ANKRD17: variants seen among roughly 807,000 people sequenced by gnomAD.
The protein encoded by ANKRD17 is ankyrin repeat domain-containing protein 17.
A neutral mutation model predicts 229.7 loss-of-function variants in ANKRD17; 19 were observed. That is an observed-to-expected ratio of 0.08 (90% CI 0.06 to 0.12). ANKRD17 has a LOEUF of 0.12. ANKRD17 is among the 10% of genes least tolerant of loss of function. The probability of loss-of-function intolerance (pLI) is 1.00; values close to 1 mark genes in which losing one functional copy is unlikely to be tolerated. For synonymous variants in ANKRD17, 1,112 were observed against 1,146.1 expected, an observed-to-expected ratio of 0.97 and a Z score of 0.60; for missense variants, 2,176 against 3,176.8, an observed-to-expected ratio of 0.68 and a Z score of 7.57.
chr4:73,115,003 A>G (rs1725767904), intron 23 of ANKRD17, among the ~76,000 whole-genome samples: 1 of 152,120 alleles, frequency 6.6e-6, no homozygotes, highest in South Asian at 2.1e-4. Flanking sequence ...TTCCTGCAAA[A>G]TTTGCATTTC....
At chr4:73,154,561 T>G (rs1731395190) in intron 5 of ANKRD17, among the ~76,000 whole-genome samples, 1 of 152,180 alleles carries the variant, frequency 6.6e-6, no homozygotes, top group Non-Finnish European at 1.5e-5. Flanking sequence ...CATATATGTT[T>G]TCATTACAAC....
intron 13 of ANKRD17, 22 bp from the exon 14 acceptor site, chr4:73,141,865 G>C: frequency 9.6e-6 from 15 of 1,570,146 alleles, no homozygotes; most frequent in Non-Finnish European, 1.1e-5. Flanking sequence ...GACACTAAGT[G>C]ACTATTAGTG....
At position 73,185,149 on chromosome 4, in the gene ANKRD17, C is replaced by A. The variant is rs113161791; in HGVS notation, c.394-7616G>T. ...TAGACTTCTTTACATTCAACACTAACCCCATCCCCCATCTGATGTTTTCCG... is the reference window on the plus strand; with the variant it reads ...TAGACTTCTTTACATTCAACACTAAACCCATCCCCCATCTGATGTTTTCCG... On this transcript the variant is annotated intron_variant, in intron 1 of 33. Transcript: ENST00000358602. 1.9e-3 allele frequency among the ~76,000 whole-genome samples: 286 copies of A among 151,822 alleles called. 1 individual carries two copies. Among genetic ancestry groups the A allele is most frequent in the African/African-American group, 6.6e-3 (274 of 41,474 alleles).
At chr4:73,100,159 C>T (rs1394974824) in intron 25 of ANKRD17, among the ~76,000 whole-genome samples, 2 of 152,204 alleles carry the variant, frequency 1.3e-5, no homozygotes, top group Admixed American at 6.5e-5. Flanking sequence ...ATTGCTGCCG[C>T]TACCAGCACC....
intron 22 of ANKRD17, among the ~76,000 whole-genome samples, chr4:73,116,833 T>C (rs914504881): frequency 1.3e-5 from 2 of 151,820 alleles, no homozygotes; most frequent in Non-Finnish European, 2.9e-5. Flanking sequence ...AGACAATGTA[T>C]ATAGACATAT....
chr4:73,131,139 G>A (rs886895021), intron 16 of ANKRD17, among the ~76,000 whole-genome samples: 1 of 152,122 alleles, frequency 6.6e-6, no homozygotes, highest in African/African-American at 2.4e-5. Context: ...AAAGTATGTG[G>A]TATTCATCTT....
intron 12 of ANKRD17, 96 bp downstream of exon 12, chr4:73,142,544 T>C (rs920943405): frequency 1.9e-6 from 3 of 1,592,652 alleles, no homozygotes; most frequent in Non-Finnish European, 2.6e-6. Context: ...ACACTTAGAA[T>C]GCCATTATGA....
chr4:73,085,544 T>C (rs1326840128), intron 29 of ANKRD17, 98 bp from the exon 30 acceptor site: 4 of 1,049,580 alleles, frequency 3.8e-6, no homozygotes, highest in Non-Finnish European at 5.5e-6. Context: ...TTCAAAACTA[T>C]TTTAGATAAT....
At chr4:73,106,361 T>A (rs945390170) in intron 24 of ANKRD17, among the ~76,000 whole-genome samples, 1 of 152,130 alleles carries the variant, frequency 6.6e-6, no homozygotes, top group Non-Finnish European at 1.5e-5. Context: ...TTAGGCTTTA[T>A]AAGATAAGAA....
chr4:73,143,819 T>C (rs1243763519), intron 11 of ANKRD17, among the ~76,000 whole-genome samples: 1 of 152,098 alleles, frequency 6.6e-6, no homozygotes, highest in Non-Finnish European at 1.5e-5. Context: ...TAGCTCACTA[T>C]AATCTTGAAC....
At chr4:73,145,946 G>A (rs780776884) in intron 10 of ANKRD17, among the ~76,000 whole-genome samples, 1 of 152,040 alleles carries the variant, frequency 6.6e-6, no homozygotes, top group Non-Finnish European at 1.5e-5. Flanking sequence ...AAACTGTGAA[G>A]GAAAGAGCAC....
intron 1 of ANKRD17, among the ~76,000 whole-genome samples, chr4:73,205,834 A>G (rs1739364573): frequency 6.6e-6 from 1 of 152,228 alleles, no homozygotes; most frequent in Non-Finnish European, 1.5e-5. Context: ...ATATTTTTAA[A>G]CATATATCTG....
intron 1 of ANKRD17, among the ~76,000 whole-genome samples, chr4:73,199,989 A>C (rs1455777045): frequency 6.6e-6 from 1 of 152,232 alleles, no homozygotes; most frequent in Non-Finnish European, 1.5e-5. Flanking sequence ...CAAGCAAAAA[A>C]GGAAACACAG....
At chr4:73,245,268 C>G (rs1199528798) in intron 1 of ANKRD17, among the ~76,000 whole-genome samples, 1 of 152,132 alleles carries the variant, frequency 6.6e-6, no homozygotes, top group African/African-American at 2.4e-5. Context: ...GCACAAATAC[C>G]TTCTCTCAAT....
intron 1 of ANKRD17, among the ~76,000 whole-genome samples, chr4:73,236,838 T>G (rs1275540130): frequency 6.6e-6 from 1 of 152,188 alleles, no homozygotes; most frequent in African/African-American, 2.4e-5. Context: ...CTAAGGTAGA[T>G]GAAGACAACA....
At chr4:73,097,020 C>A (rs1723381704) in intron 27 of ANKRD17, 97 bp downstream of exon 27, 10 of 1,395,082 alleles carry the variant, frequency 7.2e-6, no homozygotes, top group Non-Finnish European at 9.6e-6. Context: ...AGTTTGTTTG[C>A]AACCTTTAGA....
chr4:73,149,913 A>G (rs889881693), intron 7 of ANKRD17, among the ~76,000 whole-genome samples: 1 of 152,076 alleles, frequency 6.6e-6, no homozygotes, highest in South Asian at 2.1e-4. Flanking sequence ...TCTTCTGGTC[A>G]CTTTTTCCCA....
chr4:73,222,931 G>T, intron 1 of ANKRD17: 1 of 1,412,824 alleles, frequency 7.1e-7, no homozygotes, highest in Non-Finnish European at 9.7e-7. Context: ...AGATTTCTTT[G>T]TTCAGATTTC....
intron 3 of ANKRD17, among the ~76,000 whole-genome samples, chr4:73,156,491 A>G (rs1731675998): frequency 6.6e-6 from 1 of 152,190 alleles, no homozygotes; most frequent in Non-Finnish European, 1.5e-5. Context: ...GTTAAATTGT[A>G]ATCACCGGTG....
Sources: gnomAD v4.1 joint callset for allele counts (sites outside exome capture counted in the v4.1 genomes callset) on GRCh38, gnomAD v4.1.1 for gene constraint, MANE v1.5 for transcripts, NCBI Gene and HGNC (gene_info 2026-07-23, HGNC 2026-07-21) for gene names.